ELP4: variants seen among roughly 807,000 people sequenced by gnomAD.
ELP4 encodes the protein elongator complex protein 4.
A neutral mutation model predicts 48.9 loss-of-function variants in ELP4; 51 were observed. The observed-to-expected ratio is 1.04, with a 90% CI of 0.83 to 1.32. The LOEUF is 1.32. Among genes scored for constraint, ELP4 ranks in the 40% most tolerant of loss-of-function variants. The probability of loss-of-function intolerance (pLI) is 0.00; values close to 1 mark genes in which losing one functional copy is unlikely to be tolerated. For missense variants in ELP4, 519 were observed against 514.6 expected, an observed-to-expected ratio of 1.01 and a Z score of -0.08; for synonymous variants, 210 against 189.2, an observed-to-expected ratio of 1.11 and a Z score of -0.90.
At chr11:31,541,058 T>C (rs1956583111) in intron 3 of ELP4, among the ~76,000 whole-genome samples, 3 of 152,348 alleles carry the variant, frequency 2.0e-5, no homozygotes, top group African/African-American at 7.2e-5. Context: ...CATTTTTCCA[T>C]AGGATATTTT....
chr11:31,568,858 G>A (rs185658971), intron 3 of ELP4, among the ~76,000 whole-genome samples: 17 of 152,210 alleles, frequency 1.1e-4, no homozygotes, highest in Admixed American at 5.2e-4. Flanking sequence ...GCTGAGGCAG[G>A]CAGATCACCT....
In ELP4 at chr11:31,619,230, G is replaced by A. The variant is rs373386160; in HGVS notation, c.654-7880G>A. Among the ~76,000 whole-genome samples, 4 of 152,050 alleles carry A rather than the reference G, an allele frequency of 2.6e-5. No homozygotes were observed. In the East Asian group the frequency reaches 7.8e-4, roughly 30 times the overall value. Reference sequence around the variant, plus strand: ...AAGGAGAGAGGAGAGAATTGCCCAAGTGATATTTTATGGTATGAGGCCCGT... The same window carrying A: ...AAGGAGAGAGGAGAGAATTGCCCAAATGATATTTTATGGTATGAGGCCCGT... On this transcript the variant is annotated intron_variant, in intron 5 of 9. Transcript: ENST00000640961.
chr11:31,632,332 T>C lies in ELP4; in HGVS notation c.854T>C (p.Leu285Pro). 1 of 1,613,624 alleles carries C rather than the reference T, an allele frequency of 6.2e-7. No individual in the cohort carries two copies. Among genetic ancestry groups the C allele is most frequent in the Non-Finnish European group, 8.5e-7 (1 of 1,179,724 alleles). Reference protein sequence around the residue: ...GGNSHSLTKFLYVLRGLLRTS... With the variant: ...GGNSHSLTKFPYVLRGLLRTS... ...AACAGTCACAGCCTTACCAAGTTCC[T>C]CTATGTTCTCCGTGGTCTTCTGAGA... Residue 285 changes from leucine (L) to proline (P), a missense_variant, in exon 7 of 10, where the codon CTC becomes CCC. Coordinates refer to ENST00000640961, the MANE Select transcript of ELP4 (RefSeq NM_019040.5).
chr11:31,774,674 A>G (rs1948210329), intron 9 of ELP4, among the ~76,000 whole-genome samples: 1 of 152,252 alleles, frequency 6.6e-6, no homozygotes. Flanking sequence ...TATCACAAGC[A>G]TAACAAGGCT....
chr11:31,630,227 CTTT>C (rs11441798), intron 6 of ELP4, among the ~76,000 whole-genome samples: 1 of 128,456 alleles, frequency 7.8e-6, no homozygotes. Flanking sequence ...TTCTAAAATC[CTTT>C]TTTTTTTTTT....
At chr11:31,691,423 C>T (rs899461741) in intron 9 of ELP4, among the ~76,000 whole-genome samples, 1 of 151,986 alleles carries the variant, frequency 6.6e-6, no homozygotes, top group African/African-American at 2.4e-5. Context: ...ATCAGTTTCA[C>T]AAATTATGCT....
chr11:31,570,193 G>A (rs1957172293), intron 3 of ELP4, among the ~76,000 whole-genome samples: 1 of 152,144 alleles, frequency 6.6e-6, no homozygotes, highest in African/African-American at 2.4e-5. Context: ...AAGAAATCAT[G>A]TCCTTTGCAG....
chr11:31,550,626 G>A (rs568406058), intron 3 of ELP4, among the ~76,000 whole-genome samples: 1 of 152,220 alleles, frequency 6.6e-6, no homozygotes, highest in African/African-American at 2.4e-5. Context: ...AGTTGGAGGA[G>A]CCAAATCAGG....
intron 9 of ELP4, among the ~76,000 whole-genome samples, chr11:31,739,075 T>C (rs1205953140): frequency 8.8e-6 from 1 of 114,070 alleles, no homozygotes; most frequent in Non-Finnish European, 1.9e-5. Flanking sequence ...ATGTTATGTG[T>C]TTTTTACCCC....
chr11:31,626,992 T>G (rs1210192107), intron 5 of ELP4, 118 bp from the exon 6 acceptor site: 2 of 592,216 alleles, frequency 3.4e-6, no homozygotes, highest in Non-Finnish European at 6.1e-6. Context: ...GTTTTGACAT[T>G]CTTAAGTAAT....
At position 31,617,072 on chromosome 11, in the gene ELP4, A is replaced by G. The variant is rs141456310; in HGVS notation, c.654-10038A>G. On this transcript the variant is annotated intron_variant, in intron 5 of 9. Transcript: ENST00000640961. ...CAATCCCACTTCTAGGTATATGTCC[A>G]AAAAAATGGAAAGCAGGGATTTGAA... 3.6e-3 allele frequency among the ~76,000 whole-genome samples: 542 copies of G among 152,182 alleles called. 2 individuals are homozygous for G. Among genetic ancestry groups the G allele is most frequent in the South Asian group, 9.7e-3 (47 of 4,826 alleles).
At position 31,723,151 on chromosome 11, in the gene ELP4, C is replaced by T. The variant is rs1437030234; in HGVS notation, c.1144-60242C>T. 2.6e-5 allele frequency among the ~76,000 whole-genome samples: 4 copies of T among 152,150 alleles called. No individual in the cohort carries two copies. The South Asian group carries it at 6.2e-4, about 24-fold the overall frequency. Reference sequence around the variant, plus strand: ...CAAGATGCCATGGGTCAACCCTAATCCTTTTTACACCCTCATCTAGGCCCT... The same window carrying T: ...CAAGATGCCATGGGTCAACCCTAATTCTTTTTACACCCTCATCTAGGCCCT... On this transcript the variant is annotated intron_variant, in intron 9 of 9. Transcript: ENST00000640961.
At chr11:31,777,901 C>CT (rs375478261) in intron 9 of ELP4, among the ~76,000 whole-genome samples, 61 of 152,296 alleles carry the variant, frequency 4.0e-4, no homozygotes, top group Non-Finnish European at 7.6e-4. Flanking sequence ...AGCCTGTACT[C>CT]TAGTTCATTC....
At chr11:31,630,804 A>G (rs1241661191) in intron 6 of ELP4, among the ~76,000 whole-genome samples, 1 of 151,966 alleles carries the variant, frequency 6.6e-6, no homozygotes, top group African/African-American at 2.4e-5. Flanking sequence ...AATTAGCTAG[A>G]TCTGGTGGCA....
intron 2 of ELP4, among the ~76,000 whole-genome samples, chr11:31,537,802 C>T (rs1956525554): frequency 6.6e-6 from 1 of 152,166 alleles, no homozygotes; most frequent in South Asian, 2.1e-4. Context: ...CCGGGGACTA[C>T]AATTTGACAT....
chr11:31,615,913 G>A (rs1012032003), intron 5 of ELP4, among the ~76,000 whole-genome samples: 1 of 151,730 alleles, frequency 6.6e-6, no homozygotes, highest in African/African-American at 2.4e-5. Context: ...GACTTCATGG[G>A]GATTGATCAT....
rs74234003 is a variant in ELP4, at chr11:31,519,522, G to A, written c.224-534G>A. Among the ~76,000 whole-genome samples, 6 of 152,178 alleles carry A rather than the reference G, an allele frequency of 3.9e-5. No homozygotes were observed. The East Asian group carries it at 1.2e-3, about 29-fold the overall frequency. ...AAAGGAGGATAGTACAGTATATTATGGTAGTAATTTTAGGCCGGGCCTGGT... is the reference window on the plus strand; with the variant it reads ...AAAGGAGGATAGTACAGTATATTATAGTAGTAATTTTAGGCCGGGCCTGGT... On this transcript the variant is annotated intron_variant, in intron 1 of 9. Coordinates refer to ENST00000640961, the MANE Select transcript of ELP4 (RefSeq NM_019040.5).
intron 3 of ELP4, among the ~76,000 whole-genome samples, chr11:31,544,113 A>G (rs1197438566): frequency 2.6e-5 from 4 of 152,202 alleles, no homozygotes; most frequent in Non-Finnish European, 5.9e-5. Flanking sequence ...CTGAGGTACC[A>G]GGTTCATCTC....
intron 9 of ELP4, among the ~76,000 whole-genome samples, chr11:31,754,198 A>G (rs974563549): frequency 6.6e-5 from 10 of 152,092 alleles, no homozygotes; most frequent in Admixed American, 3.9e-4. Flanking sequence ...TTGTCTACCC[A>G]CACTTGTTTG....
Sources: allele counts gnomAD v4.1 joint callset (sites outside exome capture counted in the v4.1 genomes callset), GRCh38; gene constraint gnomAD v4.1.1; transcripts MANE v1.5; gene names NCBI Gene and HGNC (gene_info 2026-07-23, HGNC 2026-07-21).